Variants in CDH13 observed in about 807,000 individuals in gnomAD.
CDH13 encodes the protein cadherin 13.
In CDH13, 24 loss-of-function variants were observed where a neutral mutation model predicts 63.8. The ratio of observed to expected loss-of-function variants is 0.38; its 90% CI spans 0.27 to 0.53. The LOEUF (loss-of-function observed/expected upper bound fraction) is 0.53. CDH13 is among the 20% of genes least tolerant of loss of function. The pLI is 0.85. For synonymous variants in CDH13, 503 were observed against 355.3 expected (o/e 1.42, Z -4.67); for missense variants, 1,049 against 903.1 (o/e 1.16, Z -2.07).
At chr16:82,875,465 G>A (rs1406448162) in intron 2 of CDH13, among the ~76,000 whole-genome samples, 1 of 152,150 alleles carries the variant, frequency 6.6e-6, no homozygotes, top group African/African-American at 2.4e-5. Flanking sequence ...GTCTCAGAAA[G>A]GACAGAAACT....
At chr16:82,825,381 T>C (rs2038193965) in intron 1 of CDH13, 1 of 152,138 alleles carries the variant, frequency 6.6e-6, no homozygotes, top group Non-Finnish European at 1.5e-5. Context: ...ATCTTTTAAA[T>C]AATGCCTCAC....
At chr16:82,639,371 C>G in intron 1 of CDH13, 4 of 1,535,024 alleles carry the variant, frequency 2.6e-6, no homozygotes, top group Non-Finnish European at 3.5e-6. Context: ...GCCAAACAAC[C>G]CACCTGCACT....
chr16:82,980,876 T>C (rs1910170093), intron 2 of CDH13, among the ~76,000 whole-genome samples: 1 of 152,192 alleles, frequency 6.6e-6, no homozygotes, highest in African/African-American at 2.4e-5. Context: ...TTAAAGTGTC[T>C]ATGTCAGGAA....
Position 83,669,913 on chromosome 16 carries a change from A to G in CDH13, c.1102-877A>G, listed in dbSNP as rs76119959. ...CACCTGTAGTGTGTCAGAGGTAAGC[A>G]CCAAAACAATACTTTATGCTTTCGG... On this transcript the variant is annotated intron_variant, in intron 8 of 13. Coordinates refer to ENST00000567109, the MANE Select transcript of CDH13 (RefSeq NM_001257.5). Among the ~76,000 whole-genome samples, 1,278 of 152,348 alleles carry G rather than the reference A, an allele frequency of 8.4e-3. 6 individuals carry two copies. Among genetic ancestry groups the G allele is most frequent in the Non-Finnish European group, 0.012 (796 of 68,034 alleles).
At chr16:82,694,247 G>T (rs1446629701) in intron 1 of CDH13, among the ~76,000 whole-genome samples, 15 of 152,236 alleles carry the variant, frequency 9.9e-5, no homozygotes, top group Admixed American at 7.8e-4. Context: ...CTTCTGTCCT[G>T]CAATAAAAAG....
intron 4 of CDH13, among the ~76,000 whole-genome samples, chr16:83,135,512 C>G (rs1017264135): frequency 6.6e-6 from 1 of 152,192 alleles, no homozygotes; most frequent in Non-Finnish European, 1.5e-5. Context: ...ATTTGTGGTA[C>G]AAACTGAGTT....
intron 4 of CDH13, among the ~76,000 whole-genome samples, chr16:83,209,971 C>T (rs1273699038): frequency 6.6e-6 from 1 of 152,126 alleles, no homozygotes; most frequent in Non-Finnish European, 1.5e-5. Context: ...TGGGTTGTGG[C>T]TTCGGACTGG....
At chr16:83,698,331 C>A (rs1286058397) in intron 10 of CDH13, among the ~76,000 whole-genome samples, 1 of 152,202 alleles carries the variant, frequency 6.6e-6, no homozygotes, top group Non-Finnish European at 1.5e-5. Context: ...ATTTGATGCA[C>A]TTCCTTGGTT....
At chr16:82,807,488 C>T (rs1238508162) in intron 1 of CDH13, among the ~76,000 whole-genome samples, 1 of 152,072 alleles carries the variant, frequency 6.6e-6, no homozygotes, top group African/African-American at 2.4e-5. Context: ...TCACAATTCC[C>T]AACTGGAGTG....
At chr16:83,282,544 C>A (rs771551459) in intron 5 of CDH13, among the ~76,000 whole-genome samples, 50 of 152,182 alleles carry the variant, frequency 3.3e-4, no homozygotes, top group South Asian at 4.2e-4. Context: ...AAACCCCTGT[C>A]TATTTGGGAG....
intron 3 of CDH13, among the ~76,000 whole-genome samples, chr16:83,118,211 C>G (rs1462242780): frequency 1.3e-5 from 2 of 152,176 alleles, no homozygotes; most frequent in Admixed American, 6.5e-5. Flanking sequence ...GCCCCAGAAC[C>G]TCACTCTCCT....
At chr16:83,209,958 T>C (rs2039293161) in intron 4 of CDH13, among the ~76,000 whole-genome samples, 1 of 152,106 alleles carries the variant, frequency 6.6e-6, no homozygotes, top group African/African-American at 2.4e-5. Flanking sequence ...CTGTGCCTCA[T>C]GCTGGGTTGT....
intron 1 of CDH13, among the ~76,000 whole-genome samples, chr16:82,806,162 G>A (rs1256382574): frequency 6.6e-6 from 1 of 152,130 alleles, no homozygotes; most frequent in Non-Finnish European, 1.5e-5. Context: ...AAGCATATAA[G>A]GACTCTTCTC....
intron 1 of CDH13, among the ~76,000 whole-genome samples, chr16:82,729,275 G>C (rs117417812): frequency 2.0e-5 from 3 of 152,064 alleles, no homozygotes; most frequent in African/African-American, 4.8e-5. Context: ...ACTTTGCCCC[G>C]ATCCATCAGA....
intron 1 of CDH13, chr16:82,646,361 T>G (rs1340403324): frequency 1.3e-5 from 2 of 152,144 alleles, no homozygotes; most frequent in Admixed American, 6.5e-5. Context: ...AGCTAATTTT[T>G]TTTTGTATTT....
At chr16:83,684,460 T>C (rs1273515876) in intron 10 of CDH13, among the ~76,000 whole-genome samples, 1 of 152,100 alleles carries the variant, frequency 6.6e-6, no homozygotes, top group Non-Finnish European at 1.5e-5. Context: ...AAATGAAACA[T>C]GGGAACTAAC....
At chr16:83,425,867 A>C (rs1366358880) in intron 6 of CDH13, among the ~76,000 whole-genome samples, 2 of 152,066 alleles carry the variant, frequency 1.3e-5, no homozygotes, top group African/African-American at 2.4e-5. Flanking sequence ...TAAGGGACTT[A>C]ATATGTGCCC....
intron 2 of CDH13, among the ~76,000 whole-genome samples, chr16:82,878,872 T>C (rs998568326): frequency 6.6e-6 from 1 of 152,152 alleles, no homozygotes; most frequent in East Asian, 1.9e-4. Flanking sequence ...GGACTGATTT[T>C]ACTGAGCATT....
At chr16:83,000,226 T>TTA (rs1912736770) in intron 2 of CDH13, among the ~76,000 whole-genome samples, 1 of 57,062 alleles carries the variant, frequency 1.8e-5, no homozygotes, top group African/African-American at 8.8e-5. Context: ...TTAGCTTATT[T>TTA]TTTTTTTTTT....
Sources: allele counts gnomAD v4.1 joint callset (sites outside exome capture counted in the v4.1 genomes callset), GRCh38; gene constraint gnomAD v4.1.1; transcripts MANE v1.5; gene names NCBI Gene and HGNC (gene_info 2026-07-23, HGNC 2026-07-21).